CAMKMT: variants seen among roughly 807,000 people sequenced by gnomAD.
CAMKMT encodes calmodulin-lysine N-methyltransferase, also known as CaM KMT.
In CAMKMT, 53 loss-of-function variants were observed where a neutral mutation model predicts 48.0. The ratio of observed to expected loss-of-function variants is 1.10; its 90% CI spans 0.89 to 1.39. The LOEUF (loss-of-function observed/expected upper bound fraction) is 1.39, where lower values mean the gene tolerates loss of function less well. CAMKMT is among the 40% of genes most tolerant of loss of function. CAMKMT has a pLI of 0.00. For synonymous variants in CAMKMT, 165 were observed against 152.3 expected (o/e 1.08, Z -0.61); for missense variants, 428 against 402.7 (o/e 1.06, Z -0.54).
At chr2:44,634,609 T>C (rs569894783) in intron 3 of CAMKMT, among the ~76,000 whole-genome samples, 1 of 152,154 alleles carries the variant, frequency 6.6e-6, no homozygotes, top group East Asian at 1.9e-4. Context: ...GATTTGGGGA[T>C]ACAAAGGAAT....
At chr2:44,436,900 A>T (rs1388597679) in intron 3 of CAMKMT, among the ~76,000 whole-genome samples, 1 of 152,202 alleles carries the variant, frequency 6.6e-6, no homozygotes, top group African/African-American at 2.4e-5. Flanking sequence ...GGTGTTTATA[A>T]TGATATTTTA....
intron 3 of CAMKMT, among the ~76,000 whole-genome samples, chr2:44,660,207 G>T (rs1392595429): frequency 6.6e-6 from 1 of 152,198 alleles, no homozygotes; most frequent in Non-Finnish European, 1.5e-5. Flanking sequence ...CTTAGTGGAA[G>T]ACAGCTGGAC....
chr2:44,651,309 A>T (rs1674051065), intron 3 of CAMKMT, among the ~76,000 whole-genome samples: 2 of 152,220 alleles, frequency 1.3e-5, no homozygotes, highest in Non-Finnish European at 2.9e-5. Context: ...TGACTTACGC[A>T]TCCTTTTTTT....
intron 3 of CAMKMT, among the ~76,000 whole-genome samples, chr2:44,537,587 C>T (rs2104844551): frequency 6.6e-6 from 1 of 151,836 alleles, no homozygotes; most frequent in South Asian, 2.1e-4. Flanking sequence ...CTTTCTGAGA[C>T]AGGATCTCAT....
intron 10 of CAMKMT, among the ~76,000 whole-genome samples, chr2:44,768,361 A>ATATTTTTTT (rs35058824): frequency 6.3e-4 from 73 of 115,718 alleles, no homozygotes; most frequent in African/African-American, 2.6e-3. Flanking sequence ...ATATATATAT[A>ATATTTTTTT]TTTTTTTTTT....
chr2:44,706,527 G>A (rs1164760537), intron 5 of CAMKMT, among the ~76,000 whole-genome samples, 186 bp downstream of exon 5: 1 of 151,946 alleles, frequency 6.6e-6, no homozygotes, highest in East Asian at 1.9e-4. Flanking sequence ...GCCTCGATGA[G>A]CAGAAACATT....
At chr2:44,508,204 C>G (rs1347966920) in intron 3 of CAMKMT, among the ~76,000 whole-genome samples, 1 of 152,156 alleles carries the variant, frequency 6.6e-6, no homozygotes, top group Non-Finnish European at 1.5e-5. Flanking sequence ...GTGATTGATT[C>G]TAGATCCTAG....
At chr2:44,628,792 A>G (rs975525083) in intron 3 of CAMKMT, among the ~76,000 whole-genome samples, 1 of 152,262 alleles carries the variant, frequency 6.6e-6, no homozygotes, top group Non-Finnish European at 1.5e-5. Context: ...TTTAAACAGT[A>G]TATTGTTTAA....
At chr2:44,759,136 G>T (rs343944) in intron 9 of CAMKMT, among the ~76,000 whole-genome samples, 30,158 of 151,822 alleles carry the variant, frequency 0.2, 3,310 homozygotes, top group African/African-American at 0.29. Flanking sequence ...GCAATTTTTT[G>T]GGGGGGAGGA....
chr2:44,414,704 C>G (rs1425432026), intron 3 of CAMKMT, among the ~76,000 whole-genome samples: 1 of 152,184 alleles, frequency 6.6e-6, no homozygotes, highest in Non-Finnish European at 1.5e-5. Context: ...TATGAAGATG[C>G]AAAGATCATT....
intron 3 of CAMKMT, among the ~76,000 whole-genome samples, chr2:44,548,718 C>T (rs566206699): frequency 3.9e-5 from 6 of 152,194 alleles, no homozygotes; most frequent in African/African-American, 1.2e-4. Context: ...GAGGCAGCTA[C>T]GTAGCAAGGA....
At chr2:44,362,200 AC>A in intron 1 of CAMKMT, 55 bp downstream of exon 1, 1 of 1,366,140 alleles carries the variant, frequency 7.3e-7, no homozygotes, top group Non-Finnish European at 9.5e-7. Flanking sequence ...TCTCTCACGT[AC>A]CGGGGGAGCG....
chr2:44,499,051 ATTAC>A (rs912194803), intron 3 of CAMKMT, among the ~76,000 whole-genome samples: 2 of 152,218 alleles, frequency 1.3e-5, no homozygotes, highest in Non-Finnish European at 2.9e-5. Flanking sequence ...AAGAGATCTT[ATTAC>A]TTAAGACGAG....
chr2:44,725,788 T>C (rs1321872115), intron 7 of CAMKMT, among the ~76,000 whole-genome samples: 2 of 151,538 alleles, frequency 1.3e-5, no homozygotes, highest in Non-Finnish European at 2.9e-5. Flanking sequence ...GGGAGATGAA[T>C]GAGACAGAGC....
intron 3 of CAMKMT, among the ~76,000 whole-genome samples, chr2:44,645,961 G>A (rs1673707825): frequency 6.6e-6 from 1 of 152,210 alleles, no homozygotes; most frequent in Non-Finnish European, 1.5e-5. Flanking sequence ...GAACTATTCT[G>A]TTATAAAGCA....
intron 2 of CAMKMT, among the ~76,000 whole-genome samples, chr2:44,381,107 C>G (rs1215107003): frequency 6.6e-6 from 1 of 152,162 alleles, no homozygotes; most frequent in African/African-American, 2.4e-5. Context: ...TTGCAGTGAG[C>G]TAAGATTGCG....
chr2:44,390,151 C>A, intron 2 of CAMKMT, 90 bp from the exon 3 acceptor site: 1 of 885,120 alleles, frequency 1.1e-6, no homozygotes, highest in Non-Finnish European at 1.8e-6. Context: ...TTGGGTATAC[C>A]ATAATATACA....
At chr2:44,626,680 G>A (rs1426887496) in intron 3 of CAMKMT, among the ~76,000 whole-genome samples, 1 of 152,044 alleles carries the variant, frequency 6.6e-6, no homozygotes, top group East Asian at 1.9e-4. Flanking sequence ...TTCCATTCAT[G>A]AGAGCTTCAC....
chr2:44,440,744 T>C (rs1666602670), intron 3 of CAMKMT, among the ~76,000 whole-genome samples: 1 of 152,194 alleles, frequency 6.6e-6, no homozygotes, highest in South Asian at 2.1e-4. Context: ...TTCCAAGACA[T>C]TAATTTTCCA....
Sources: gnomAD v4.1 joint callset for allele counts (sites outside exome capture counted in the v4.1 genomes callset) on GRCh38, gnomAD v4.1.1 for gene constraint, MANE v1.5 for transcripts, NCBI Gene and HGNC (gene_info 2026-07-23, HGNC 2026-07-21) for gene names.